Variants in CEP70 observed in about 807,000 individuals in gnomAD.
The protein encoded by CEP70 is centrosomal protein of 70 kDa.
In CEP70, 70 loss-of-function variants were observed where a neutral mutation model predicts 90.9. That is an observed-to-expected ratio of 0.77 (90% CI 0.64 to 0.94). The LOEUF (loss-of-function observed/expected upper bound fraction) is 0.94, where lower values mean the gene tolerates loss of function less well. Ranked by LOEUF, CEP70 falls within the 40% of genes least tolerant of loss-of-function variation. CEP70 has a pLI of 0.00. For synonymous variants in CEP70, 220 were observed against 228.3 expected, an observed-to-expected ratio of 0.96 and a Z score of 0.33; for missense variants, 648 against 669.0, an observed-to-expected ratio of 0.97 and a Z score of 0.35.
Position 138,494,755 on chromosome 3 carries a change from A to C in CEP70, c.*260T>G. ...TACTCACAAACTCCACTCTAAAACAACCTTAAATTTTAAGCACTCAATAAT... is the reference window on the plus strand; with the variant it reads ...TACTCACAAACTCCACTCTAAAACACCCTTAAATTTTAAGCACTCAATAAT... On this transcript the variant is annotated 3_prime_UTR_variant, in exon 18 of 18. Coordinates refer to ENST00000264982, the MANE Select transcript of CEP70 (RefSeq NM_024491.4). 3.7e-6 allele frequency: 1 copy of C among 267,558 alleles called. No homozygotes were observed. The highest frequency in any genetic ancestry group is 6.4e-5 in the South Asian group (1 of 15,676). The allele number at this position is 267,558 out of a possible 1,614,324, so 16.6% of individuals were successfully genotyped here. A position where few individuals can be genotyped will look rare whatever the true frequency, so the allele number is the denominator to read the frequency against.
chr3:138,541,297 G>T (rs1043940837), intron 6 of CEP70, among the ~76,000 whole-genome samples: 6 of 151,610 alleles, frequency 4.0e-5, no homozygotes, highest in African/African-American at 1.5e-4. Context: ...CAAGAGAAAA[G>T]AAGAAAACAA....
At chr3:138,580,967 G>A (rs750934051) in intron 2 of CEP70, among the ~76,000 whole-genome samples, 142 of 151,962 alleles carry the variant, frequency 9.3e-4, no homozygotes, top group Admixed American at 3.1e-3. Flanking sequence ...GAAAATACAC[G>A]GTCAGAGGAG....
chr3:138,503,982 G>A (rs1185916529), intron 13 of CEP70, among the ~76,000 whole-genome samples: 4 of 152,036 alleles, frequency 2.6e-5, no homozygotes. Flanking sequence ...CATGATAAAC[G>A]ATCAATAACT....
chr3:138,552,791 C>A (rs1481326756), intron 6 of CEP70, among the ~76,000 whole-genome samples: 9 of 152,036 alleles, frequency 5.9e-5, no homozygotes, highest in Admixed American at 5.9e-4. Context: ...ACAAACCTGA[C>A]CCAAACCCAG....
intron 6 of CEP70, among the ~76,000 whole-genome samples, chr3:138,569,178 C>A (rs1267418807): frequency 2.0e-5 from 3 of 152,016 alleles, no homozygotes; most frequent in Non-Finnish European, 4.4e-5. Context: ...ATACTAGAGC[C>A]CCCTAGTATC....
intron 11 of CEP70, among the ~76,000 whole-genome samples, chr3:138,517,380 T>C (rs1295005866): frequency 6.6e-6 from 1 of 151,876 alleles, no homozygotes; most frequent in Non-Finnish European, 1.5e-5. Context: ...TAAAAATAAA[T>C]AAAATAAGGC....
chr3:138,550,807 C>T lies in CEP70; in HGVS notation c.466-13460G>A, dbSNP rs1042643926. Among the ~76,000 whole-genome samples, 54 of 152,246 alleles carry T rather than the reference C, an allele frequency of 3.5e-4. No individual in the cohort carries two copies. In the Middle Eastern group the frequency reaches 0.014, roughly 38 times the overall value. ...TGAAGACAAGCTTTACGAATTAACC[C>T]AATCCAACAATGACAAAGAAAAAGA... On this transcript the variant is annotated intron_variant, in intron 6 of 17. Transcript: ENST00000264982.
chr3:138,559,794 C>T (rs897538061), intron 6 of CEP70, among the ~76,000 whole-genome samples: 1 of 152,106 alleles, frequency 6.6e-6, no homozygotes, highest in East Asian at 1.9e-4. Flanking sequence ...TTATAAATTG[C>T]CTTCAAAGGA....
chr3:138,507,375 A>G (rs925567626), intron 12 of CEP70, among the ~76,000 whole-genome samples: 16 of 152,178 alleles, frequency 1.1e-4, no homozygotes, highest in African/African-American at 3.9e-4. Context: ...AGTCAATTCA[A>G]TTTTAGTTCA....
At chr3:138,544,102 G>A (rs762608589) in intron 6 of CEP70, among the ~76,000 whole-genome samples, 3 of 152,054 alleles carry the variant, frequency 2.0e-5, no homozygotes, top group African/African-American at 4.8e-5. Flanking sequence ...CAACCTGGCC[G>A]ACACAGTAAA....
chr3:138,525,590 T>TG, intron 10 of CEP70, 26 bp from the exon 11 acceptor site: 2 of 1,083,364 alleles, frequency 1.8e-6, no homozygotes, highest in Non-Finnish European at 2.5e-6. Flanking sequence ...AATGATAAAT[T>TG]AATTCAATTT....
Position 138,508,523 on chromosome 3 carries a change from A to G in CEP70, c.966T>C (p.His322=), listed in dbSNP as rs751609893. Reference sequence around the variant, plus strand: ...TCTTCTCTGTGTCCTCAGCCTTCTTATGATTAATAAGCTCCTGTAATCTAA... The same window carrying G: ...TCTTCTCTGTGTCCTCAGCCTTCTTGTGATTAATAAGCTCCTGTAATCTAA... The part of the protein sequence containing the change: ...KNVKLQELIN[H]KKAEDTEKKD... Residue 322 remains histidine (H), a synonymous_variant, in exon 12 of 18, where the codon CAT becomes CAC. Transcript: ENST00000264982. The G allele has an allele frequency of 1.3e-5, 21 of 1,610,036 alleles. No individual in the cohort carries two copies. The East Asian group carries it at 2.9e-4, about 22-fold the overall frequency.
chr3:138,593,527 T>C (rs1011370896), intron 1 of CEP70, among the ~76,000 whole-genome samples: 2 of 152,216 alleles, frequency 1.3e-5, no homozygotes, highest in Admixed American at 6.5e-5. Context: ...CCTGCCTGTT[T>C]AATATCATTG....
chr3:138,583,280 T>C (rs2041957401), intron 2 of CEP70, among the ~76,000 whole-genome samples: 1 of 152,186 alleles, frequency 6.6e-6, no homozygotes, highest in South Asian at 2.1e-4. Flanking sequence ...GTAAATATTA[T>C]ACACCCAACA....
At chr3:138,501,707 A>G (rs1263398285) in intron 13 of CEP70, among the ~76,000 whole-genome samples, 1 of 152,176 alleles carries the variant, frequency 6.6e-6, no homozygotes, top group African/African-American at 2.4e-5. Flanking sequence ...TGGTGCCCTA[A>G]TTGATTTTAA....
intron 6 of CEP70, among the ~76,000 whole-genome samples, chr3:138,562,676 G>A (rs1190650385): frequency 1.3e-5 from 2 of 152,124 alleles, no homozygotes; most frequent in African/African-American, 4.8e-5. Flanking sequence ...GTCACCACCA[G>A]GCCTGCCTTA....
intron 11 of CEP70, among the ~76,000 whole-genome samples, chr3:138,515,759 GTA>G (rs1464602813): frequency 6.6e-6 from 1 of 152,146 alleles, no homozygotes; most frequent in Non-Finnish European, 1.5e-5. Flanking sequence ...ATACACATGT[GTA>G]CGTGTGTGTG....
intron 11 of CEP70, among the ~76,000 whole-genome samples, chr3:138,520,078 GACAAAGAAGGCCATT>G (rs1404672458): frequency 6.6e-6 from 1 of 152,078 alleles, no homozygotes; most frequent in African/African-American, 2.4e-5. Flanking sequence ...GATCAAAAGA[GACAAAGAAGGCCATT>G]ACATAATGGT....
chr3:138,561,252 G>A (rs1303937162), intron 6 of CEP70, among the ~76,000 whole-genome samples: 3 of 152,110 alleles, frequency 2.0e-5, no homozygotes, highest in Non-Finnish European at 4.4e-5. Flanking sequence ...GGCAAACGGG[G>A]TCTGGAGTGG....
Sources: gnomAD v4.1 joint callset for allele counts (sites outside exome capture counted in the v4.1 genomes callset) on GRCh38, gnomAD v4.1.1 for gene constraint, MANE v1.5 for transcripts, NCBI Gene and HGNC (gene_info 2026-07-23, HGNC 2026-07-21) for gene names.